The following MDGA2 variants were observed in gnomAD, a reference collection of about 807,000 sequenced individuals.
MDGA2 encodes the protein MAM domain-containing glycosylphosphatidylinositol anchor protein 2.
MDGA2 carries 40 observed loss-of-function variants against 117.8 expected under a neutral mutation model. That is an observed-to-expected ratio of 0.34 (90% confidence interval 0.26 to 0.44). MDGA2 has a LOEUF of 0.44. Among genes scored for constraint, MDGA2 ranks in the 20% least tolerant of loss-of-function variants. The probability of loss-of-function intolerance (pLI) is 1.00; values close to 1 mark genes in which losing one functional copy is unlikely to be tolerated. For synonymous variants in MDGA2, 452 were observed against 439.0 expected (o/e 1.03, Z -0.37); for missense variants, 1,123 against 1,250.6 (o/e 0.90, Z 1.54).
intron 2 of MDGA2, among the ~76,000 whole-genome samples, chr14:47,222,726 G>A (rs1886346071): frequency 6.6e-6 from 1 of 152,104 alleles, no homozygotes; most frequent in Non-Finnish European, 1.5e-5. Context: ...AAAAATTAGA[G>A]GTAGGACAGG....
chr14:47,574,184 A>G (rs1362471645), intron 1 of MDGA2, among the ~76,000 whole-genome samples: 1 of 152,188 alleles, frequency 6.6e-6, no homozygotes, highest in Non-Finnish European at 1.5e-5. Context: ...AGTAGGTATT[A>G]GGCGATTCAA....
Position 47,105,190 on chromosome 14 carries a change from C to T in MDGA2, c.926-8067G>A, listed in dbSNP as rs933096744. 9.9e-5 allele frequency among the ~76,000 whole-genome samples: 15 copies of T among 152,274 alleles called. No individual in the cohort carries two copies. In the East Asian group the frequency reaches 2.1e-3, roughly 22 times the overall value. ...GTACCCCTCAGCCCCTTCTCCTTCACCCTTAGTGGCAAGTCCTGCTTTCCT... is the reference window on the plus strand; with the variant it reads ...GTACCCCTCAGCCCCTTCTCCTTCATCCTTAGTGGCAAGTCCTGCTTTCCT... On this transcript the variant is annotated intron_variant, in intron 5 of 16. Coordinates refer to ENST00000399232, the MANE Select transcript of MDGA2 (RefSeq NM_001113498.3).
At chr14:47,093,898 T>C (rs1380953397) in intron 6 of MDGA2, among the ~76,000 whole-genome samples, 1 of 152,100 alleles carries the variant, frequency 6.6e-6, no homozygotes, top group African/African-American at 2.4e-5. Flanking sequence ...CCATGGATCC[T>C]GATTTAATTA....
chr14:47,506,160 A>G (rs1370737175), intron 1 of MDGA2, among the ~76,000 whole-genome samples: 1 of 152,196 alleles, frequency 6.6e-6, no homozygotes, highest in Non-Finnish European at 1.5e-5. Flanking sequence ...TTTTGAGCAC[A>G]AAGTGTTTAG....
At chr14:47,455,209 T>C (rs1893323178) in intron 1 of MDGA2, among the ~76,000 whole-genome samples, 1 of 152,152 alleles carries the variant, frequency 6.6e-6, no homozygotes, top group Non-Finnish European at 1.5e-5. Flanking sequence ...TATCTAGTTT[T>C]TAAGAATGCA....
intron 1 of MDGA2, among the ~76,000 whole-genome samples, chr14:47,380,521 G>A (rs1010983399): frequency 6.6e-5 from 10 of 151,482 alleles, no homozygotes; most frequent in African/African-American, 2.4e-4. Context: ...CAATAAAAAA[G>A]GATAAAGGGG....
chr14:47,241,618 C>A (rs957835129), intron 2 of MDGA2, among the ~76,000 whole-genome samples: 5 of 151,786 alleles, frequency 3.3e-5, no homozygotes, highest in Admixed American at 2.6e-4. Flanking sequence ...ATTTGTGGCC[C>A]AAATTATTTA....
intron 1 of MDGA2, among the ~76,000 whole-genome samples, chr14:47,433,668 G>T (rs1404671335): frequency 6.6e-6 from 1 of 152,114 alleles, no homozygotes; most frequent in Non-Finnish European, 1.5e-5. Flanking sequence ...GGCTGATGCC[G>T]CCATTTACAT....
chr14:47,461,858 G>T (rs1454640843), intron 1 of MDGA2, among the ~76,000 whole-genome samples: 1 of 152,004 alleles, frequency 6.6e-6, no homozygotes, highest in Admixed American at 6.6e-5. Flanking sequence ...TGAAAGGATC[G>T]AAACAACAAT....
At chr14:47,370,107 C>T (rs1786648132) in intron 1 of MDGA2, among the ~76,000 whole-genome samples, 1 of 151,868 alleles carries the variant, frequency 6.6e-6, no homozygotes, top group African/African-American at 2.4e-5. Flanking sequence ...ACTTTTTCAA[C>T]ATCATTCAAT....
chr14:47,154,737 G>A (rs1883300587), intron 3 of MDGA2, among the ~76,000 whole-genome samples: 1 of 152,160 alleles, frequency 6.6e-6, no homozygotes, highest in Non-Finnish European at 1.5e-5. Flanking sequence ...AGGCCAAGAT[G>A]GGGCTGAGGG....
chr14:47,625,843 G>A (rs997995402), intron 1 of MDGA2, among the ~76,000 whole-genome samples: 1 of 152,170 alleles, frequency 6.6e-6, no homozygotes, highest in African/African-American at 2.4e-5. Context: ...TCAGAAAAAA[G>A]GAAAAATTCT....
At chr14:47,341,624 T>A (rs1281159902) in intron 1 of MDGA2, among the ~76,000 whole-genome samples, 1 of 152,210 alleles carries the variant, frequency 6.6e-6, no homozygotes, top group East Asian at 1.9e-4. Context: ...GACAAATCCA[T>A]TTTAAAATTT....
chr14:46,922,579 G>A (rs1369871275), intron 9 of MDGA2, among the ~76,000 whole-genome samples: 1 of 152,092 alleles, frequency 6.6e-6, no homozygotes, highest in African/African-American at 2.4e-5. Flanking sequence ...TCCAAATATA[G>A]TATTCATAAG....
intron 2 of MDGA2, among the ~76,000 whole-genome samples, chr14:47,233,336 A>T: frequency 6.6e-6 from 1 of 152,280 alleles, no homozygotes; most frequent in African/African-American, 2.4e-5. Flanking sequence ...TAAAATTCTT[A>T]TTACAAAACC....
At chr14:47,121,517 T>C (rs991563514) in intron 5 of MDGA2, among the ~76,000 whole-genome samples, 6 of 152,104 alleles carry the variant, frequency 3.9e-5, no homozygotes, top group Non-Finnish European at 7.4e-5. Context: ...GATTATATCA[T>C]TGATACTTTT....
At chr14:47,370,884 T>C (rs897624653) in intron 1 of MDGA2, among the ~76,000 whole-genome samples, 2 of 151,866 alleles carry the variant, frequency 1.3e-5, no homozygotes, top group Non-Finnish European at 3.0e-5. Flanking sequence ...TTTTGTCTTA[T>C]ATTTTTCTGA....
intron 10 of MDGA2, among the ~76,000 whole-genome samples, chr14:46,915,991 C>T (rs1381619091): frequency 6.6e-6 from 1 of 152,060 alleles, no homozygotes; most frequent in Admixed American, 6.5e-5. Context: ...TTCCAGAAAA[C>T]CTGGCTTATA....
intron 1 of MDGA2, among the ~76,000 whole-genome samples, chr14:47,446,693 C>A (rs1256029486): frequency 2.6e-5 from 4 of 151,948 alleles, no homozygotes; most frequent in Non-Finnish European, 4.4e-5. Flanking sequence ...ATCATCCACT[C>A]TCCTATTCTG....
Sources: allele counts gnomAD v4.1 joint callset (sites outside exome capture counted in the v4.1 genomes callset), GRCh38; gene constraint gnomAD v4.1.1; transcripts MANE v1.5; gene names NCBI Gene and HGNC (gene_info 2026-07-23, HGNC 2026-07-21).